Variants in CFAP210 observed in about 807,000 individuals in gnomAD.
CFAP210 encodes the protein cilia and flagella associated protein 210.
chr2:169,664,480 T>C, the CFAP210 span, among the ~76,000 whole-genome samples: 1 of 152,204 alleles, frequency 6.6e-6, no homozygotes. Context: ...GTGACTTACA[T>C]AATAATTTAC....
At chr2:169,653,021 AAAAAAAAAATATATATATATATATATAT>A in the CFAP210 span, among the ~76,000 whole-genome samples, 1 of 62,354 alleles carries the variant, frequency 1.6e-5, no homozygotes, top group African/African-American at 6.6e-5. Context: ...AAAAAAAAAA[AAAAAAAAAATATATATATATATATATAT>A]ATATATATAT....
the CFAP210 span, among the ~76,000 whole-genome samples, chr2:169,650,723 A>G: frequency 3.5e-4 from 46 of 129,952 alleles, no homozygotes; most frequent in Admixed American, 7.5e-4. Context: ...AAAGACAGTA[A>G]TATGTATAAT....
the CFAP210 span, chr2:169,674,722 A>C: frequency 5.0e-6 from 8 of 1,604,822 alleles, no homozygotes; most frequent in Non-Finnish European, 6.8e-6. Flanking sequence ...TTCGGAATTC[A>C]ATCTGGGCAT....
the CFAP210 span, among the ~76,000 whole-genome samples, chr2:169,653,029 A>AATATATATATATATATAT: frequency 7.5e-5 from 3 of 39,964 alleles, no homozygotes; most frequent in African/African-American, 1.2e-4. Flanking sequence ...AAAAAAAAAA[A>AATATATATATATATATAT]ATATATATAT....
the CFAP210 span, among the ~76,000 whole-genome samples, chr2:169,654,374 G>A: frequency 3.9e-5 from 6 of 152,132 alleles, no homozygotes; most frequent in Non-Finnish European, 8.8e-5. Context: ...GTGCATAAAG[G>A]TTTATGTGTC....
the CFAP210 span, among the ~76,000 whole-genome samples, chr2:169,688,466 GCT>G: frequency 6.6e-6 from 1 of 152,050 alleles, no homozygotes; most frequent in Non-Finnish European, 1.5e-5. Flanking sequence ...GAATTTTTAT[GCT>G]CTGTTTCCCT....
the CFAP210 span, among the ~76,000 whole-genome samples, chr2:169,671,020 A>C: frequency 3.3e-5 from 5 of 152,184 alleles, no homozygotes; most frequent in Non-Finnish European, 1.5e-5. Context: ...TGCAATTTCC[A>C]TTTCTTTGTG....
At chr2:169,665,441 C>T in the CFAP210 span, among the ~76,000 whole-genome samples, 1 of 151,830 alleles carries the variant, frequency 6.6e-6, no homozygotes, top group Non-Finnish European at 1.5e-5. Flanking sequence ...GCTGGAACTA[C>T]AGGCATGCAT....
the CFAP210 span, among the ~76,000 whole-genome samples, chr2:169,647,740 A>G: frequency 6.6e-6 from 1 of 152,240 alleles, no homozygotes; most frequent in African/African-American, 2.4e-5. Context: ...CAAAGATACT[A>G]TCAATGGAGT....
the CFAP210 span, among the ~76,000 whole-genome samples, chr2:169,663,145 C>T: frequency 2.6e-5 from 4 of 152,310 alleles, no homozygotes; most frequent in Admixed American, 1.3e-4. Flanking sequence ...CATCCAGCAG[C>T]CAAACCTCTG....
At chr2:169,664,983 T>G in the CFAP210 span, among the ~76,000 whole-genome samples, 1 of 152,114 alleles carries the variant, frequency 6.6e-6, no homozygotes, top group Non-Finnish European at 1.5e-5. Flanking sequence ...CCAAGAAAAC[T>G]TGGTAGAAAG....
chr2:169,664,599 C>G, the CFAP210 span, among the ~76,000 whole-genome samples: 1 of 152,162 alleles, frequency 6.6e-6, no homozygotes. Flanking sequence ...GCAAAGTTAA[C>G]TTGTTGAAGT....
chr2:169,653,064 A>ATATATG, the CFAP210 span, among the ~76,000 whole-genome samples: 1 of 96,240 alleles, frequency 1.0e-5, no homozygotes, highest in African/African-American at 4.0e-5. Flanking sequence ...ATATATATAT[A>ATATATG]TATGTATGTG....
chr2:169,680,364 T>C, the CFAP210 span, among the ~76,000 whole-genome samples: 62,011 of 152,076 alleles, frequency 0.41, 12,929 homozygotes, highest in Non-Finnish European at 0.44. Context: ...CAAAGTTAAA[T>C]ATACACCTAT....
chr2:169,674,643 C>G, the CFAP210 span: 4 of 1,608,866 alleles, frequency 2.5e-6, no homozygotes, highest in Non-Finnish European at 2.5e-6. Context: ...TCTTGTTCTT[C>G]TTTAAAAGCT....
chr2:169,657,865 T>C, the CFAP210 span, among the ~76,000 whole-genome samples: 11 of 152,358 alleles, frequency 7.2e-5, no homozygotes, highest in African/African-American at 2.6e-4. Flanking sequence ...TTCTGAATTC[T>C]GAACCCAGAA....
chr2:169,691,916 T>C, the CFAP210 span, among the ~76,000 whole-genome samples: 1 of 152,202 alleles, frequency 6.6e-6, no homozygotes, highest in Non-Finnish European at 1.5e-5. Context: ...AGACATATCT[T>C]TGGATGACTG....
At chr2:169,660,604 ATT>A in the CFAP210 span, among the ~76,000 whole-genome samples, 6,617 of 121,656 alleles carry the variant, frequency 0.054, 166 homozygotes, top group East Asian at 0.11. Context: ...ATATATATAT[ATT>A]TTTTTTTTTT....
the CFAP210 span, among the ~76,000 whole-genome samples, chr2:169,679,842 G>C: frequency 2.0e-5 from 3 of 152,104 alleles, no homozygotes; most frequent in African/African-American, 7.2e-5. Context: ...GAAAATCTTT[G>C]TGACATTAGA....
Sources: gnomAD v4.1 joint callset for allele counts (sites outside exome capture counted in the v4.1 genomes callset) on GRCh38, gnomAD v4.1.1 for gene constraint, MANE v1.5 for transcripts, NCBI Gene and HGNC (gene_info 2026-07-23, HGNC 2026-07-21) for gene names.